Variants in CINP observed in about 807,000 individuals in gnomAD.
CINP encodes the protein cyclin dependent kinase 2 interacting protein.
In CINP, 11 loss-of-function variants were observed where a neutral mutation model predicts 20.5. The ratio of observed to expected loss-of-function variants is 0.54; its 90% CI spans 0.34 to 0.89. CINP has a LOEUF of 0.89. CINP is among the 40% of genes least tolerant of loss of function. CINP has a pLI of 0.02. For missense variants in CINP, 213 were observed against 251.0 expected, an observed-to-expected ratio of 0.85 and a Z score of 1.02; for synonymous variants, 108 against 102.1, an observed-to-expected ratio of 1.06 and a Z score of -0.35.
rs189776784 is a variant in CINP at position 102,352,990 on chromosome 14, A to G, written c.306+2778T>C. On this transcript the variant is annotated intron_variant, in intron 3 of 4. Coordinates refer to ENST00000216756, the MANE Select transcript of CINP (RefSeq NM_032630.3). ...AAAAACAAATAAAAATACAACAATT[A>G]GCTGGGTGTGGTGGCAGGCACCTGT... is the stretch of plus-strand genomic sequence containing the variant. Among the ~76,000 whole-genome samples, 44 of 151,758 alleles carry G rather than the reference A, an allele frequency of 2.9e-4. No homozygotes were observed. In the East Asian group the frequency reaches 7.7e-3, roughly 27 times the overall value.
Position 102,359,448 on chromosome 14 carries a change from A to G in CINP, c.147T>C (p.Asn49=), listed in dbSNP as rs1887082730. Residue 49 remains asparagine, a synonymous_variant, in exon 2 of 5, where the codon AAT becomes AAC. Coordinates refer to ENST00000216756, the MANE Select transcript of CINP (RefSeq NM_032630.3). ...TLNDAGFTTA[N]NIANLKISLL... ...AACTGATTTTCAAGTTGGCAATATT[A>G]TTTGCAGTGGTAAAACCTGCATCAT... 6.2e-7 allele frequency: 1 copy of G among 1,602,518 alleles called. No homozygotes were observed. The highest frequency in any genetic ancestry group is 8.5e-7 in the Non-Finnish European group (1 of 1,174,278).
rs10632205 is a variant in CINP at position 102,359,227 on chromosome 14, AAT to A, written c.176+190_176+191del. ...AAAAAAATAAATAAATAAATAACTA[AAT>A]ATATATATATATATATATATATATG... On this transcript the variant is annotated intron_variant, in intron 2 of 4. Coordinates refer to ENST00000216756, the MANE Select transcript of CINP (RefSeq NM_032630.3). Among the ~76,000 whole-genome samples the A allele has an allele frequency of 4.7e-3, 538 of 115,386 alleles. 6 individuals carry two copies. Among genetic ancestry groups the A allele is most frequent in the African/African-American group, 0.011 (346 of 31,568 alleles). The allele number at this position is 115,386 out of a possible 152,430, so 75.7% of individuals were successfully genotyped here.
rs533982708 is a variant in CINP, at chr14:102,358,752, C to T, written c.176+667G>A. Among the ~76,000 whole-genome samples, 8 of 151,938 alleles carry T rather than the reference C, an allele frequency of 5.3e-5. No individual in the cohort carries two copies. In the East Asian group the frequency reaches 5.8e-4, roughly 11 times the overall value. ...AACAATAACATATGTTTTTTGTTTA[C>T]GTAAAATCCAAAAATGGATGAAAAG... is the stretch of plus-strand genomic sequence containing the variant. On this transcript the variant is annotated intron_variant, in intron 2 of 4. Transcript: ENST00000216756.
chr14:102,348,675 C>T lies in CINP; in HGVS notation c.521G>A (p.Gly174Glu), dbSNP rs767423657. The change falls in exon 5 of 5, where the codon GGG (glycine) becomes GAG (glutamate). Residue 174 changes from glycine (G) to glutamate (E), a missense_variant. Gly to Glu is a moderately conservative substitution (Grantham distance 98). Coordinates refer to ENST00000216756, the MANE Select transcript of CINP (RefSeq NM_032630.3). ...GTAGCTCAGGGTGAGGTCGGGATCC[C>T]CGGTGTGGGCAAGCTCCTTGGCCAC... is the stretch of plus-strand genomic sequence containing the variant. ...RTVAKELAHT[G>E]DPDLTLSYLS... 9 of 1,613,982 alleles carry T rather than the reference C, an allele frequency of 5.6e-6. No homozygotes were observed. Among genetic ancestry groups the T allele is most frequent in the Non-Finnish European group, 6.8e-6 (8 of 1,179,942 alleles).
chr14:102,358,091 G>A (rs1887039090), intron 2 of CINP, among the ~76,000 whole-genome samples: 2 of 152,216 alleles, frequency 1.3e-5, no homozygotes. Flanking sequence ...ACCAGAACTG[G>A]AAGTGGGGTC....
chr14:102,348,653 G>A lies in CINP; in HGVS notation c.543C>T (p.Ser181=), dbSNP rs746395794. The change falls in exon 5 of 5, where the codon AGC becomes AGT. Residue 181 remains serine, a synonymous_variant. Coordinates refer to ENST00000216756, the MANE Select transcript of CINP (RefSeq NM_032630.3). Reference sequence around the variant, plus strand: ...GCTGGTGCAGCCACATGGACAGGTAGCTCAGGGTGAGGTCGGGATCCCCGG... The same window carrying A: ...GCTGGTGCAGCCACATGGACAGGTAACTCAGGGTGAGGTCGGGATCCCCGG... ...AHTGDPDLTL[S]YLSMWLHQPY... The A allele has an allele frequency of 9.9e-6, 16 of 1,614,002 alleles. No individual in the cohort carries two copies. Among genetic ancestry groups the A allele is most frequent in the Non-Finnish European group, 1.3e-5 (15 of 1,179,992 alleles).
At chr14:102,353,022 A>T (rs1886904847) in intron 3 of CINP, among the ~76,000 whole-genome samples, 1 of 151,602 alleles carries the variant, frequency 6.6e-6, no homozygotes, top group Non-Finnish European at 1.5e-5. Flanking sequence ...CTGTAATCCC[A>T]GCTACTTGGG....
chr14:102,348,884 G>A, intron 4 of CINP, 125 bp from the exon 5 acceptor site: 3 of 786,608 alleles, frequency 3.8e-6, no homozygotes, highest in East Asian at 5.4e-5. Context: ...AGGGGAAGAA[G>A]GGCCCGATGG....
chr14:102,350,073 GATA>G lies in CINP; in HGVS notation c.307-28_307-26del, dbSNP rs770341403. The G allele has an allele frequency of 8.2e-6, 13 of 1,587,366 alleles. 1 individual carries two copies. In the East Asian group the frequency reaches 2.7e-4, roughly 33 times the overall value. On this transcript the variant is annotated intron_variant, in intron 3 of 4. Transcript: ENST00000216756. ...TCTGAAAGATATCCATTTGGAATATGATAATATTATTTGAAATCTCCAGTCTCA... is the reference window on the plus strand; with the variant it reads ...TCTGAAAGATATCCATTTGGAATATGATATTATTTGAAATCTCCAGTCTCA...
intron 2 of CINP, among the ~76,000 whole-genome samples, chr14:102,359,016 C>T (rs1203783830): frequency 1.3e-5 from 2 of 151,784 alleles, no homozygotes; most frequent in Non-Finnish European, 2.9e-5. Context: ...ACCAGCCTAA[C>T]ATGGTGAAAG....
chr14:102,348,589 T>A lies in CINP; in HGVS notation c.607A>T (p.Met203Leu), dbSNP rs1230402201. ...GCTCGGTGGCCTGTCTCCAGCAGCA[T>A]GCTCTCCAGATGCAGCCTGCTGTCG... ...ESDSRLHLES[M>L]LLETGHRAL Residue 203 changes from methionine to leucine, a missense_variant, in exon 5 of 5, where the codon ATG (methionine) becomes TTG (leucine). Met to Leu is a conservative substitution (Grantham distance 15). Coordinates refer to ENST00000216756, the MANE Select transcript of CINP (RefSeq NM_032630.3). The A allele has an allele frequency of 6.2e-7, 1 of 1,613,022 alleles. No homozygotes were observed. Among genetic ancestry groups the A allele is most frequent in the African/African-American group, 1.3e-5 (1 of 75,048 alleles).
At chr14:102,355,971 C>T in intron 2 of CINP, 74 bp from the exon 3 acceptor site, 1 of 1,501,946 alleles carries the variant, frequency 6.7e-7, no homozygotes, top group Non-Finnish European at 9.1e-7. Flanking sequence ...ATAAATTCTA[C>T]AAACCTCTAT....
In CINP at chr14:102,362,880, C is replaced by T. The variant is rs370372746; in HGVS notation, c.-29G>A. 1.5e-4 allele frequency: 240 copies of T among 1,613,552 alleles called. No homozygotes were observed. Among genetic ancestry groups the T allele is most frequent in the East Asian group, 3.1e-4 (14 of 44,850 alleles). On this transcript the variant is annotated 5_prime_UTR_variant, in exon 1 of 5. Coordinates refer to ENST00000216756, the MANE Select transcript of CINP (RefSeq NM_032630.3). ...GTCCACAGATATCCGTAGAAGGAGA[C>T]GCGAAGCCCCGCCCACCCCACCGGA...
intron 2 of CINP, among the ~76,000 whole-genome samples, chr14:102,358,459 T>C (rs549758152): frequency 3.9e-5 from 6 of 152,264 alleles, no homozygotes; most frequent in Admixed American, 2.6e-4. Flanking sequence ...GGTGGGCAGA[T>C]CACTTGAGGT....
At chr14:102,350,555 T>C (rs1305920393) in intron 3 of CINP, among the ~76,000 whole-genome samples, 1 of 151,936 alleles carries the variant, frequency 6.6e-6, no homozygotes, top group Non-Finnish European at 1.5e-5. Flanking sequence ...GGTCTCGTTA[T>C]GTTGCCCAGG....
chr14:102,350,383 CTTTT>C (rs560628640), intron 3 of CINP, among the ~76,000 whole-genome samples: 1 of 140,654 alleles, frequency 7.1e-6, no homozygotes, highest in Non-Finnish European at 1.6e-5. Flanking sequence ...CTCTTGCTGC[CTTTT>C]TTTTTTTTTC....
At chr14:102,354,565 T>A (rs900764125) in intron 3 of CINP, among the ~76,000 whole-genome samples, 2 of 152,114 alleles carry the variant, frequency 1.3e-5, no homozygotes, top group African/African-American at 4.8e-5. Flanking sequence ...GAGACCAGCC[T>A]GGCCAACATG....
At chr14:102,356,731 A>G (rs1434059283) in intron 2 of CINP, among the ~76,000 whole-genome samples, 2 of 152,158 alleles carry the variant, frequency 1.3e-5, no homozygotes, top group Non-Finnish European at 2.9e-5. Flanking sequence ...TTTCATTATT[A>G]TGTCTATGAT....
At position 102,355,917 on chromosome 14, in the gene CINP, A is replaced by G. The variant is rs771137713; in HGVS notation, c.177-20T>C. 5 of 1,613,088 alleles carry G rather than the reference A, an allele frequency of 3.1e-6. No homozygotes were observed. In the South Asian group the frequency reaches 5.5e-5, roughly 18 times the overall value. On this transcript the variant is annotated intron_variant, in intron 2 of 4. Transcript: ENST00000216756. ...TTATTCCTAAACAAAATAGAAAATA[A>G]TGTGTACAAAATATACTCTTTAAGC... is the stretch of plus-strand genomic sequence containing the variant.
Sources: allele counts gnomAD v4.1 joint callset (sites outside exome capture counted in the v4.1 genomes callset), GRCh38; gene constraint gnomAD v4.1.1; transcripts MANE v1.5; gene names NCBI Gene and HGNC (gene_info 2026-07-23, HGNC 2026-07-21).